The following TGM3 variants were observed in gnomAD, a reference collection of about 807,000 sequenced individuals.
TGM3 encodes the protein protein-glutamine gamma-glutamyltransferase E.
Under a neutral mutation model 73.8 loss-of-function variants are expected in TGM3, and 52 were observed. That is an observed-to-expected ratio of 0.70 (90% confidence interval 0.56 to 0.89). TGM3 has a LOEUF of 0.89. Among genes scored for constraint, TGM3 ranks in the 40% least tolerant of loss-of-function variants. TGM3 has a pLI of 0.00. For synonymous variants in TGM3, 372 were observed against 354.9 expected (o/e 1.05, Z -0.54); for missense variants, 928 against 909.9 (o/e 1.02, Z -0.26).
intron 1 of TGM3, 123 bp from the exon 2 acceptor site, chr20:2,309,534 T>C: frequency 2.3e-6 from 2 of 888,566 alleles, no homozygotes; most frequent in Non-Finnish European, 1.8e-6. Context: ...TGATTCTTTC[T>C]AGGAATTTGG....
At chr20:2,309,897 C>T (rs2084194206) in intron 2 of TGM3, 67 bp downstream of exon 2, 1 of 1,592,386 alleles carries the variant, frequency 6.3e-7, no homozygotes, top group Non-Finnish European at 8.6e-7. Flanking sequence ...CATTCAAGGA[C>T]TGACGGGGAC....
At chr20:2,317,975 C>T (rs1383646021) in intron 7 of TGM3, among the ~76,000 whole-genome samples, 2 of 143,216 alleles carry the variant, frequency 1.4e-5, no homozygotes, top group African/African-American at 5.3e-5. Flanking sequence ...TATTGTATAC[C>T]TTGGTTGACA....
Position 2,311,072 on chromosome 20 carries a change from C to T in TGM3, c.483C>T (p.Gly161=). 1 of 1,614,158 alleles carries T rather than the reference C, an allele frequency of 6.2e-7. No homozygotes were observed. The change falls in exon 4 of 13, where the codon GGC becomes GGT. Residue 161 remains glycine (G), a synonymous_variant. Coordinates refer to ENST00000381458, the MANE Select transcript of TGM3 (RefSeq NM_003245.4). ...AAGAGTATGTTCAGGAAGATGCCGG[C>T]ATCATCTTTGTGGGAAGCACAAACC... ...EREEYVQEDA[G]IIFVGSTNRI...
chr20:2,315,653 A>G (rs1764591348), intron 5 of TGM3, among the ~76,000 whole-genome samples: 1 of 152,210 alleles, frequency 6.6e-6, no homozygotes, highest in South Asian at 2.1e-4. Context: ...CCAGCCTCTC[A>G]TTGCACAGTT....
At chr20:2,315,471 G>A (rs1168736805) in intron 5 of TGM3, among the ~76,000 whole-genome samples, 1 of 152,198 alleles carries the variant, frequency 6.6e-6, no homozygotes, top group Non-Finnish European at 1.5e-5. Context: ...CTCCTGGAAG[G>A]GGTGCAGAAC....
intron 7 of TGM3, among the ~76,000 whole-genome samples, chr20:2,318,966 G>C (rs1320699880): frequency 6.6e-6 from 1 of 152,194 alleles, no homozygotes; most frequent in Admixed American, 6.5e-5. Context: ...ACTCACCCCA[G>C]AGTCAATGGA....
In TGM3 at chr20:2,334,650, G is replaced by T. The variant is rs1334306870; in HGVS notation, c.1643-466G>T. On this transcript the variant is annotated intron_variant, in intron 10 of 12. Transcript: ENST00000381458. The surrounding 1 kb of genome is among the most constrained non-coding windows in gnomAD (Gnocchi z 4.0). ...ATTTGTATTCTTCCACTGCCCCTCA[G>T]AAGGACACTTGTGGCTGGGAGCAGT... 2.0e-5 allele frequency among the ~76,000 whole-genome samples: 3 copies of T among 152,168 alleles called. No individual in the cohort carries two copies. Among genetic ancestry groups the T allele is most frequent in the Non-Finnish European group, 4.4e-5 (3 of 68,016 alleles).
Position 2,312,943 on chromosome 20 carries a change from A to G in TGM3, c.586A>G (p.Ser196Gly). Residue 196 changes from serine to glycine, a missense_variant, in exon 5 of 13, where the codon AGT (serine) becomes GGT (glycine). Ser to Gly is a moderately conservative substitution (Grantham distance 56, BLOSUM62 0). Coordinates refer to ENST00000381458, the MANE Select transcript of TGM3 (RefSeq NM_003245.4). ...CATCTGCCTCTCAATCTTGGATAGG[A>G]GTCTGAATTTCCGCCGTGACGCTGC... is the stretch of plus-strand genomic sequence containing the variant. ...LSICLSILDR[S>G]LNFRRDAATD... is the part of the protein sequence containing the mutation. 2 of 1,614,132 alleles carry G rather than the reference A, an allele frequency of 1.2e-6. No homozygotes were observed. Among genetic ancestry groups the G allele is most frequent in the Non-Finnish European group, 1.7e-6 (2 of 1,180,026 alleles).
Position 2,335,310 on chromosome 20 carries a change from C to CT in TGM3, c.1800+37_1800+38insT, listed in dbSNP as rs761879321. The CT allele has an allele frequency of 1.9e-6, 3 of 1,610,304 alleles. No individual in the cohort carries two copies. The African/African-American group carries it at 4.0e-5, about 22-fold the overall frequency. On this transcript the variant is annotated intron_variant, in intron 11 of 12. Coordinates refer to ENST00000381458, the MANE Select transcript of TGM3 (RefSeq NM_003245.4). Reference sequence around the variant, plus strand: ...CCCCATCCTGTGGGAAGGGGTTCTGCCCCCAGCCAGCCCAGCTCCCAGGAG... The same window carrying CT: ...CCCCATCCTGTGGGAAGGGGTTCTGCTCCCCAGCCAGCCCAGCTCCCAGGAG...
At chr20:2,305,575 CA>C (rs986290945) in intron 1 of TGM3, among the ~76,000 whole-genome samples, 2 of 152,202 alleles carry the variant, frequency 1.3e-5, no homozygotes, top group African/African-American at 4.8e-5. Context: ...TAGCAGTTGG[CA>C]TAAAGAAGGC....
intron 5 of TGM3, among the ~76,000 whole-genome samples, chr20:2,313,857 C>T (rs1374226720): frequency 6.6e-6 from 1 of 151,744 alleles, no homozygotes; most frequent in Non-Finnish European, 1.5e-5. Flanking sequence ...AGTGAGACCT[C>T]GTCTCTACAG....
chr20:2,329,616 T>C (rs949999189), intron 9 of TGM3, among the ~76,000 whole-genome samples: 7 of 151,968 alleles, frequency 4.6e-5, no homozygotes, highest in Non-Finnish European at 1.0e-4. Flanking sequence ...TTTTCAACAA[T>C]GTTATGACGT....
chr20:2,331,937 G>T, intron 9 of TGM3, 65 bp from the exon 10 acceptor site: 1 of 1,544,420 alleles, frequency 6.5e-7, no homozygotes, highest in Non-Finnish European at 8.7e-7. Context: ...TCCAGGCAGG[G>T]TACTGTCCTT....
chr20:2,309,979 C>A, intron 2 of TGM3, 149 bp downstream of exon 2: 1 of 1,350,376 alleles, frequency 7.4e-7, no homozygotes, highest in Non-Finnish European at 1.0e-6. Flanking sequence ...GGGCAAGTTG[C>A]TGTCCATCTC....
intron 1 of TGM3, among the ~76,000 whole-genome samples, chr20:2,307,406 C>T (rs2084181760): frequency 6.6e-6 from 1 of 152,196 alleles, no homozygotes; most frequent in Admixed American, 6.5e-5. Context: ...GCCCCTGCTC[C>T]AGACAAGTAA....
At position 2,310,421 on chromosome 20, in the gene TGM3, G is replaced by A; in HGVS notation, c.421+4G>A. 6.2e-7 allele frequency: 1 copy of A among 1,614,012 alleles called. No homozygotes were observed. Among genetic ancestry groups the A allele is most frequent in the Admixed American group, 1.7e-5 (1 of 60,022 alleles). ...CTTTTTAACCCCTGGCTGAATGGTA[G>A]GTGTCTAGCCACCCACACTCTCAGC... is the stretch of plus-strand genomic sequence containing the variant. On this transcript the variant is annotated splice_donor_region_variant and intron_variant, in intron 3 of 12. Coordinates refer to ENST00000381458, the MANE Select transcript of TGM3 (RefSeq NM_003245.4).
At chr20:2,338,793 T>C (rs1445056828) in intron 11 of TGM3, among the ~76,000 whole-genome samples, 1 of 152,242 alleles carries the variant, frequency 6.6e-6, no homozygotes, top group African/African-American at 2.4e-5. Flanking sequence ...TGTCCATTTC[T>C]ATGTCCAAAA....
At chr20:2,304,999 G>A (rs1012106567) in intron 1 of TGM3, among the ~76,000 whole-genome samples, 1 of 152,210 alleles carries the variant, frequency 6.6e-6, no homozygotes, top group African/African-American at 2.4e-5. Flanking sequence ...CTCAGAAGCA[G>A]CCAGATGGAA....
Position 2,335,263 on chromosome 20 carries a change from T to C in TGM3, c.1790T>C (p.Leu597Ser). The change falls in exon 11 of 13, where the codon TTG becomes TCG. Residue 597 changes from leucine to serine, a missense_variant. By Grantham distance (145) the Leu-to-Ser change is moderately radical. Transcript: ENST00000381458. ...ERDIILDNPT[L>S]TLEVLNEARV... is the part of the protein sequence containing the mutation. The stretch of plus-strand genomic sequence containing the variant: ...GACATCATCCTGGACAACCCCACCT[T>C]GACCCTGGAGGTAATGGGGCTCCCC... 6.2e-7 allele frequency: 1 copy of C among 1,614,066 alleles called. No homozygotes were observed. Among genetic ancestry groups the C allele is most frequent in the Non-Finnish European group, 8.5e-7 (1 of 1,179,994 alleles).
Sources: gnomAD v4.1 joint callset for allele counts (sites outside exome capture counted in the v4.1 genomes callset) on GRCh38, gnomAD v4.1.1 for gene constraint, Gnocchi (gnomAD v3.1) non-coding constraint, MANE v1.5 for transcripts, NCBI Gene and HGNC (gene_info 2026-07-23, HGNC 2026-07-21) for gene names.